Variants in ST13 observed in about 807,000 individuals in gnomAD.
ST13 encodes the protein hsc70-interacting protein.
A neutral mutation model predicts 56.7 loss-of-function variants in ST13; 23 were observed. The ratio of observed to expected loss-of-function variants is 0.41; its 90% CI spans 0.29 to 0.57. The LOEUF is 0.57. Among genes scored for constraint, ST13 ranks in the 20% least tolerant of loss-of-function variants. The pLI is 0.36. For synonymous variants in ST13, 132 were observed against 142.4 expected (o/e 0.93, Z 0.52); for missense variants, 369 against 459.9 (o/e 0.80, Z 1.81).
At chr22:40,851,827 C>G (rs1040327201) in intron 1 of ST13, among the ~76,000 whole-genome samples, 4 of 151,448 alleles carry the variant, frequency 2.6e-5, no homozygotes, top group African/African-American at 9.7e-5. Flanking sequence ...CTCACTGCAA[C>G]CTCCACCTCC....
chr22:40,854,482 G>C (rs1291444609), intron 1 of ST13: 1 of 152,194 alleles, frequency 6.6e-6, no homozygotes, highest in Non-Finnish European at 1.5e-5. Flanking sequence ...TAAGGTATAT[G>C]ACTATTTCTT....
Position 40,844,834 on chromosome 22 carries a change from C to T in ST13, c.315+5G>A. On this transcript the variant is annotated splice_donor_5th_base_variant and intron_variant, in intron 4 of 11. Coordinates refer to ENST00000216218, the MANE Select transcript of ST13 (RefSeq NM_003932.5). Reference sequence around the variant, plus strand: ...ACAAGCAGGAAATCAAGTCACCGAACTTACCTCCGCATTTTCATCTCCCAT... The same window carrying T: ...ACAAGCAGGAAATCAAGTCACCGAATTTACCTCCGCATTTTCATCTCCCAT... 1 of 1,612,322 alleles carries T rather than the reference C, an allele frequency of 6.2e-7. No homozygotes were observed. The highest frequency in any genetic ancestry group is 8.5e-7 in the Non-Finnish European group (1 of 1,178,608).
intron 10 of ST13, among the ~76,000 whole-genome samples, chr22:40,828,376 G>A (rs914734100): frequency 5.3e-5 from 8 of 151,652 alleles, no homozygotes; most frequent in African/African-American, 1.2e-4. Flanking sequence ...AGGCCGAGGC[G>A]GGCAGATCAC....
At chr22:40,846,375 A>AAG (rs2057831325) in intron 3 of ST13, among the ~76,000 whole-genome samples, 1 of 152,208 alleles carries the variant, frequency 6.6e-6, no homozygotes, top group East Asian at 1.9e-4. Flanking sequence ...GTCTCTTAAC[A>AAG]AATTTCAAGT....
chr22:40,828,090 T>C (rs1001210510), intron 10 of ST13, among the ~76,000 whole-genome samples: 8 of 152,230 alleles, frequency 5.3e-5, no homozygotes, highest in African/African-American at 1.7e-4. Context: ...ATTTTTCATT[T>C]CCATTTCAAA....
chr22:40,825,916 A>C lies in ST13; in HGVS notation c.*622T>G, dbSNP rs1457960318. 1.3e-5 allele frequency: 2 copies of C among 152,690 alleles called. No homozygotes were observed. The highest frequency in any genetic ancestry group is 2.9e-5 in the Non-Finnish European group (2 of 68,056). The allele number at this position is 152,690 out of a possible 1,614,324, so 9.5% of individuals were successfully genotyped here. On this transcript the variant is annotated 3_prime_UTR_variant, in exon 12 of 12. Transcript: ENST00000216218. Reference sequence around the variant, plus strand: ...TCACCACAGTGTAAGATTTAAGGGCAACCTGCCCAAGGATGCATGTTATAT... The same window carrying C: ...TCACCACAGTGTAAGATTTAAGGGCCACCTGCCCAAGGATGCATGTTATAT...
At chr22:40,847,940 G>C (rs561400867) in intron 3 of ST13, among the ~76,000 whole-genome samples, 9 of 151,882 alleles carry the variant, frequency 5.9e-5, no homozygotes, top group Non-Finnish European at 1.0e-4. Flanking sequence ...CCAGTTACTC[G>C]GGAGGCTCAG....
chr22:40,832,771 G>A, intron 7 of ST13, 100 bp from the exon 8 acceptor site: 1 of 882,356 alleles, frequency 1.1e-6, no homozygotes, highest in South Asian at 1.5e-5. Flanking sequence ...TCTAAAACAG[G>A]CTTAAGTTAA....
At chr22:40,852,893 T>C (rs904407913) in intron 1 of ST13, among the ~76,000 whole-genome samples, 45 of 152,306 alleles carry the variant, frequency 3.0e-4, no homozygotes, top group African/African-American at 1.0e-3. Context: ...AGTTTCAAAA[T>C]GCAGCGTCAG....
Position 40,850,846 on chromosome 22 carries a change from C to T in ST13, c.145G>A (p.Ala49Thr), listed in dbSNP as rs2057857670. ...GGKVPPATQK[A>T]KSEENTKEEK... ...ACCTTGGTATTTTCTTCTGATTTAG[C>T]TTTCTGAGTAGCAGGTGGTACTTTA... Residue 49 changes from alanine (A) to threonine (T), a missense_variant, in exon 2 of 12, where the codon GCT (alanine) becomes ACT (threonine). Ala to Thr is a moderately conservative substitution (Grantham distance 58, BLOSUM62 0). Coordinates refer to ENST00000216218, the MANE Select transcript of ST13 (RefSeq NM_003932.5). 6.2e-7 allele frequency: 1 copy of T among 1,605,380 alleles called. No individual in the cohort carries two copies.
intron 8 of ST13, among the ~76,000 whole-genome samples, chr22:40,831,697 G>C (rs1312979246): frequency 6.6e-6 from 1 of 152,224 alleles, no homozygotes; most frequent in Non-Finnish European, 1.5e-5. Context: ...TAAAATCTCT[G>C]AGAGTAAATT....
chr22:40,848,286 C>T lies in ST13; in HGVS notation c.244+8G>A. 2 of 1,605,890 alleles carry T rather than the reference C, an allele frequency of 1.2e-6. No homozygotes were observed. Among genetic ancestry groups the T allele is most frequent in the Non-Finnish European group, 1.7e-6 (2 of 1,172,648 alleles). ...TTTTCAAATACAAACTAACTACCGT[C>T]TCCTCACCTAGATCACTTTCCTCAC... is the stretch of plus-strand genomic sequence containing the variant. On this transcript the variant is annotated splice_region_variant and intron_variant, in intron 3 of 11. Coordinates refer to ENST00000216218, the MANE Select transcript of ST13 (RefSeq NM_003932.5).
At chr22:40,842,718 C>A (rs573211079) in intron 4 of ST13, among the ~76,000 whole-genome samples, 5 of 152,106 alleles carry the variant, frequency 3.3e-5, no homozygotes, top group Admixed American at 3.3e-4. Context: ...TCACTGAATC[C>A]CAAGCAGGAT....
intron 4 of ST13, among the ~76,000 whole-genome samples, chr22:40,842,687 G>A (rs2057810234): frequency 6.6e-6 from 1 of 152,136 alleles, no homozygotes; most frequent in African/African-American, 2.4e-5. Context: ...GCTAAAGAAA[G>A]TTAACCCTAG....
At position 40,835,562 on chromosome 22, in the gene ST13, G is replaced by C. The variant is rs2057773163; in HGVS notation, c.576C>G (p.His192Gln). Reference protein sequence around the residue: ...AQPYKWRGKAHRLLGHWEEAA... With the variant: ...AQPYKWRGKAQRLLGHWEEAA... ...AATAATTAAATTCAATTATTTACCT[G>C]TGTGCTTTCCCCCGCCACTTGTAAG... The change falls in exon 7 of 12, where the codon CAC becomes CAG. Residue 192 changes from histidine (H) to glutamine (Q), a missense_variant and splice_region_variant. Physicochemically the swap from His to Gln is conservative, Grantham distance 24. Transcript: ENST00000216218. 1.2e-6 allele frequency: 2 copies of C among 1,605,842 alleles called. No individual in the cohort carries two copies. The highest frequency in any genetic ancestry group is 1.7e-6 in the Non-Finnish European group (2 of 1,174,218).
intron 7 of ST13, among the ~76,000 whole-genome samples, chr22:40,834,081 A>G (rs2057766381): frequency 6.6e-6 from 1 of 152,148 alleles, no homozygotes; most frequent in African/African-American, 2.4e-5. Flanking sequence ...GTTTGAGAAT[A>G]GCCTGGCTAA....
chr22:40,838,850 G>A (rs950167257), intron 5 of ST13, among the ~76,000 whole-genome samples: 1 of 151,624 alleles, frequency 6.6e-6, no homozygotes. Flanking sequence ...CAACTGATAG[G>A]TATGAATTAA....
intron 10 of ST13, among the ~76,000 whole-genome samples, chr22:40,827,816 G>GTAA (rs2057735908): frequency 6.6e-6 from 1 of 151,896 alleles, no homozygotes; most frequent in Non-Finnish European, 1.5e-5. Context: ...CTTTTTTCTA[G>GTAA]TAATAACACT....
chr22:40,828,207 C>T (rs1370838377), intron 10 of ST13, among the ~76,000 whole-genome samples: 6 of 152,154 alleles, frequency 3.9e-5, no homozygotes, highest in Non-Finnish European at 5.9e-5. Flanking sequence ...ATTTTATTCT[C>T]TCAGTATAAT....
Sources: gnomAD v4.1 joint callset for allele counts (sites outside exome capture counted in the v4.1 genomes callset) on GRCh38, gnomAD v4.1.1 for gene constraint, MANE v1.5 for transcripts, NCBI Gene and HGNC (gene_info 2026-07-23, HGNC 2026-07-21) for gene names.